RANBP2: variants seen among roughly 807,000 people sequenced by gnomAD.
RANBP2 encodes the protein E3 SUMO-protein ligase RanBP2.
Under a neutral mutation model 303.6 loss-of-function variants are expected in RANBP2, and 57 were observed. The ratio of observed to expected loss-of-function variants is 0.19; its 90% CI spans 0.15 to 0.23. The LOEUF (loss-of-function observed/expected upper bound fraction) is 0.23. Ranked by LOEUF, RANBP2 falls within the 10% of genes least tolerant of loss-of-function variation. RANBP2 has a pLI of 1.00. For missense variants in RANBP2, 3,138 were observed against 3,780.8 expected, an observed-to-expected ratio of 0.83 and a Z score of 4.46; for synonymous variants, 1,167 against 1,301.5, an observed-to-expected ratio of 0.90 and a Z score of 2.23.
the RANBP2 span, chr2:109,732,704 G>A: frequency 1.3e-5 from 8 of 595,782 alleles, no homozygotes; most frequent in East Asian, 1.6e-4. Context: ...TCCTGACCTC[G>A]TGATCCGCCC....
the RANBP2 span, among the ~76,000 whole-genome samples, chr2:108,878,860 TAAA>T: frequency 7.2e-5 from 11 of 152,212 alleles, no homozygotes; most frequent in Admixed American, 5.2e-4. Context: ...AAATGTAAGA[TAAA>T]GAATCCTTTT....
the RANBP2 span, among the ~76,000 whole-genome samples, chr2:108,872,198 G>A: frequency 1.3e-5 from 2 of 152,272 alleles, no homozygotes; most frequent in African/African-American, 4.8e-5. Context: ...TCAGAGAAGA[G>A]TCTGATCATT....
the RANBP2 span, among the ~76,000 whole-genome samples, chr2:108,928,582 G>T: frequency 6.6e-6 from 1 of 152,144 alleles, no homozygotes; most frequent in African/African-American, 2.4e-5. Context: ...GATGTGTTGT[G>T]GCCACTAGGG....
the RANBP2 span, among the ~76,000 whole-genome samples, chr2:109,029,745 C>A: frequency 6.6e-6 from 1 of 152,202 alleles, no homozygotes; most frequent in Non-Finnish European, 1.5e-5. Context: ...GGCCCCCCGG[C>A]AGCCATCATC....
chr2:108,797,658 C>T, the RANBP2 span, among the ~76,000 whole-genome samples: 1 of 151,952 alleles, frequency 6.6e-6, no homozygotes, highest in Non-Finnish European at 1.5e-5. Context: ...CCTGAGCCTG[C>T]CTTTTTAATG....
the RANBP2 span, among the ~76,000 whole-genome samples, chr2:108,798,816 TACACACACACACACACACACACAC>T: frequency 7.6e-6 from 1 of 131,556 alleles, no homozygotes; most frequent in Non-Finnish European, 1.6e-5. Flanking sequence ...TCTCCACACC[TACACACACACACACACACACACAC>T]ACACACACAC....
chr2:108,736,172 A>C lies in RANBP2; in HGVS notation c.705A>C (p.Leu235Phe). The C allele has an allele frequency of 1.2e-6, 2 of 1,611,968 alleles. No individual in the cohort carries two copies. The highest frequency in any genetic ancestry group is 2.3e-4 in the Middle Eastern group (1 of 4,428). Residue 235 changes from leucine (L) to phenylalanine (F), a missense_variant, in exon 6 of 29, where the codon TTA becomes TTC. Physicochemically the swap from Leu to Phe is conservative, Grantham distance 22. Transcript: ENST00000283195. ...ACTGGCGAGCAACCAATACAGACTTACTGCTGGCCTATGCTAATCTTATGC... is the reference window on the plus strand; with the variant it reads ...ACTGGCGAGCAACCAATACAGACTTCCTGCTGGCCTATGCTAATCTTATGC... ...KSDWRATNTD[L>F]LLAYANLMLL...
At chr2:108,923,126 CT>C in the RANBP2 span, among the ~76,000 whole-genome samples, 1 of 152,188 alleles carries the variant, frequency 6.6e-6, no homozygotes, top group East Asian at 1.9e-4. Context: ...GGTTAAGTGA[CT>C]TGTCAGGTAG....
intron 17 of RANBP2, among the ~76,000 whole-genome samples, chr2:108,757,382 T>C (rs1676399023): frequency 6.6e-6 from 1 of 152,204 alleles, no homozygotes; most frequent in Non-Finnish European, 1.5e-5. Context: ...ATTTTTGGAG[T>C]CAGATCTGGT....
At chr2:108,910,377 C>CAGGGGA in the RANBP2 span, 1 of 1,128,418 alleles carries the variant, frequency 8.9e-7, no homozygotes, top group South Asian at 1.3e-5. Context: ...CCTGTCAGTT[C>CAGGGGA]ACTCGGCTGC....
chr2:108,796,183 G>A, the RANBP2 span, among the ~76,000 whole-genome samples: 1 of 152,036 alleles, frequency 6.6e-6, no homozygotes, highest in Non-Finnish European at 1.5e-5. Flanking sequence ...CGAGTAGCTG[G>A]GACTACAGGC....
chr2:108,831,840 C>A, the RANBP2 span, among the ~76,000 whole-genome samples: 6 of 152,178 alleles, frequency 3.9e-5, no homozygotes, highest in South Asian at 1.0e-3. Context: ...TCAAGCGATT[C>A]TCCTGCCTCA....
the RANBP2 span, among the ~76,000 whole-genome samples, chr2:109,218,138 T>C: frequency 7.3e-6 from 1 of 136,744 alleles, no homozygotes; most frequent in Admixed American, 7.5e-5. Flanking sequence ...CATTGTCCTC[T>C]CCTTTTCTGT....
chr2:109,630,417 T>C, the RANBP2 span, among the ~76,000 whole-genome samples: 169 of 152,132 alleles, frequency 1.1e-3, 1 homozygote, highest in African/African-American at 3.9e-3. Context: ...CCAGGGACCA[T>C]CCCTAGAGTC....
chr2:109,583,981 GACT>G, the RANBP2 span, among the ~76,000 whole-genome samples: 1 of 152,200 alleles, frequency 6.6e-6, no homozygotes, highest in East Asian at 1.9e-4. Context: ...CAGACACTGG[GACT>G]ACTAGAGTGG....
the RANBP2 span, among the ~76,000 whole-genome samples, chr2:109,170,269 CTTCTCTT>C: frequency 1.3e-5 from 1 of 78,328 alleles, no homozygotes; most frequent in African/African-American, 3.7e-5. Flanking sequence ...CTTCTCTTCT[CTTCTCTT>C]CTCTTCTCTT....
At chr2:109,626,776 A>G in the RANBP2 span, among the ~76,000 whole-genome samples, 1 of 152,198 alleles carries the variant, frequency 6.6e-6, no homozygotes, top group Non-Finnish European at 1.5e-5. Flanking sequence ...TGCCTTGCAG[A>G]TGAGGAAGGT....
the RANBP2 span, chr2:108,894,366 T>C: frequency 6.6e-6 from 1 of 152,580 alleles, no homozygotes; most frequent in Non-Finnish European, 1.5e-5. Context: ...AGTCTCATCA[T>C]ACATAGGGCA....
the RANBP2 span, among the ~76,000 whole-genome samples, chr2:109,653,373 T>A: frequency 6.8e-6 from 1 of 147,440 alleles, no homozygotes; most frequent in Non-Finnish European, 1.5e-5. Context: ...CCAGCCTGGG[T>A]GACAGAACTA....
Sources: allele counts gnomAD v4.1 joint callset (sites outside exome capture counted in the v4.1 genomes callset), GRCh38; gene constraint gnomAD v4.1.1; transcripts MANE v1.5; gene names NCBI Gene and HGNC (gene_info 2026-07-23, HGNC 2026-07-21).